The following RUFY3 variants were observed in gnomAD, a reference collection of about 807,000 sequenced individuals.
RUFY3 encodes RUN and FYVE domain containing 3.
Under a neutral mutation model 84.0 loss-of-function variants are expected in RUFY3, and 34 were observed. That is an observed-to-expected ratio of 0.40 (90% CI 0.31 to 0.54). The LOEUF (loss-of-function observed/expected upper bound fraction) is 0.54, where lower values mean the gene tolerates loss of function less well. Ranked by LOEUF, RUFY3 falls within the 20% of genes least tolerant of loss-of-function variation. The pLI, the probability that RUFY3 is intolerant of heterozygous loss-of-function variation, is 0.39. For synonymous variants in RUFY3, 242 were observed against 252.9 expected (o/e 0.96, Z 0.41); for missense variants, 507 against 736.8 (o/e 0.69, Z 3.61).
chr4:70,793,639 T>C, intron 12 of RUFY3, 146 bp from the exon 13 acceptor site: 1 of 1,506,048 alleles, frequency 6.6e-7, no homozygotes, highest in Non-Finnish European at 8.9e-7. Flanking sequence ...CCATAATTTC[T>C]TCACCTGTGT....
In RUFY3 at chr4:70,773,505, C is replaced by T; in HGVS notation, c.697-6C>T. On this transcript the variant is annotated splice_region_variant and splice_polypyrimidine_tract_variant and intron_variant, in intron 5 of 17. Transcript: ENST00000381006. The stretch of plus-strand genomic sequence containing the variant: ...TTATATTAAAACCTGAAAATTCTCT[C>T]TGTAGGTTGGAGTTATAGATTTTTC... 3 of 1,603,510 alleles carry T rather than the reference C, an allele frequency of 1.9e-6. No individual in the cohort carries two copies. The highest frequency in any genetic ancestry group is 2.6e-6 in the Non-Finnish European group (3 of 1,170,782).
intron 1 of RUFY3, among the ~76,000 whole-genome samples, chr4:70,744,233 CTG>C (rs1052253410): frequency 8.7e-4 from 133 of 152,120 alleles, no homozygotes; most frequent in African/African-American, 3.1e-3. Context: ...AGGTATCACT[CTG>C]TTGCCCAGGC....
chr4:70,750,141 A>T (rs550716905), intron 1 of RUFY3, among the ~76,000 whole-genome samples: 1 of 152,220 alleles, frequency 6.6e-6, no homozygotes, highest in African/African-American at 2.4e-5. Flanking sequence ...AGCCCCGAGT[A>T]GCTAGGGCTA....
intron 5 of RUFY3, among the ~76,000 whole-genome samples, chr4:70,769,166 G>T (rs1189505325): frequency 2.6e-5 from 4 of 152,088 alleles, no homozygotes; most frequent in Admixed American, 2.6e-4. Context: ...GGGCAACATA[G>T]TGAGACCCCG....
At chr4:70,770,133 T>G (rs1726711516) in intron 5 of RUFY3, among the ~76,000 whole-genome samples, 1 of 152,196 alleles carries the variant, frequency 6.6e-6, no homozygotes, top group Non-Finnish European at 1.5e-5. Flanking sequence ...ACTATTCCAT[T>G]TATAAAGCAT....
intron 1 of RUFY3, among the ~76,000 whole-genome samples, chr4:70,756,242 T>C (rs1179066226): frequency 6.6e-6 from 1 of 152,176 alleles, no homozygotes; most frequent in Non-Finnish European, 1.5e-5. Context: ...ACTGCTCTAG[T>C]TCTACCCTTT....
intron 1 of RUFY3, among the ~76,000 whole-genome samples, chr4:70,742,573 A>T (rs1261366386): frequency 6.6e-6 from 1 of 152,216 alleles, no homozygotes; most frequent in Non-Finnish European, 1.5e-5. Flanking sequence ...TTTGGCCCAC[A>T]TTCTTTTCTC....
intron 1 of RUFY3, among the ~76,000 whole-genome samples, chr4:70,737,180 T>C (rs987940368): frequency 2.0e-5 from 3 of 152,188 alleles, no homozygotes; most frequent in Non-Finnish European, 4.4e-5. Context: ...AAGATACAGT[T>C]GTGGTTTTCA....
chr4:70,721,510 A>T (rs1742297711), upstream of RUFY3, among the ~76,000 whole-genome samples: 1 of 152,128 alleles, frequency 6.6e-6, no homozygotes, highest in Non-Finnish European at 1.5e-5. Context: ...AAGATATTTA[A>T]ATTGAAAATC....
chr4:70,778,783 T>G (rs997600170), intron 8 of RUFY3, among the ~76,000 whole-genome samples: 11 of 152,108 alleles, frequency 7.2e-5, no homozygotes, highest in Non-Finnish European at 1.2e-4. Context: ...TTTCTCCATG[T>G]TAGTCAGGCT....
intron 7 of RUFY3, among the ~76,000 whole-genome samples, chr4:70,775,944 C>CAAAA (rs11369578): frequency 7.6e-6 from 1 of 132,292 alleles, no homozygotes; most frequent in African/African-American, 3.2e-5. Flanking sequence ...CTGTCTTAAA[C>CAAAA]AAAAAAAAAA....
intron 4 of RUFY3, among the ~76,000 whole-genome samples, chr4:70,767,641 A>G (rs1485785233): frequency 1.3e-5 from 2 of 152,072 alleles, no homozygotes; most frequent in East Asian, 3.9e-4. Context: ...TTAGTAATTT[A>G]GGTGCATTAT....
chr4:70,714,916 G>C (rs1741393473), intron 1 of RUFY3, among the ~76,000 whole-genome samples: 1 of 152,140 alleles, frequency 6.6e-6, no homozygotes, highest in East Asian at 1.9e-4. Context: ...TACTTTTCAG[G>C]GTAGAGGTTA....
At chr4:70,745,827 T>C (rs1271187475) in intron 1 of RUFY3, among the ~76,000 whole-genome samples, 1 of 152,232 alleles carries the variant, frequency 6.6e-6, no homozygotes. Flanking sequence ...GGTTCACTTC[T>C]ATAATCCCAG....
At chr4:70,724,972 C>T (rs899470271) in intron 1 of RUFY3, among the ~76,000 whole-genome samples, 2 of 152,234 alleles carry the variant, frequency 1.3e-5, no homozygotes, top group South Asian at 4.1e-4. Context: ...TGTCTGGACG[C>T]GGGAGTATTC....
chr4:70,790,721 G>A (rs958458115), intron 12 of RUFY3, among the ~76,000 whole-genome samples: 2 of 152,108 alleles, frequency 1.3e-5, no homozygotes, highest in Admixed American at 6.5e-5. Context: ...ATTAGTTAAC[G>A]AATCTTTTAA....
At chr4:70,724,589 C>A (rs1717912715) in intron 1 of RUFY3, among the ~76,000 whole-genome samples, 1 of 152,086 alleles carries the variant, frequency 6.6e-6, no homozygotes. Context: ...TGTATGTCTG[C>A]TGATTAAAGA....
At chr4:70,791,622 C>T (rs1274109663) in intron 12 of RUFY3, 11 of 1,093,882 alleles carry the variant, frequency 1.0e-5, no homozygotes, top group Non-Finnish European at 1.2e-5. Flanking sequence ...TGTACATATA[C>T]TAATGATGCC....
chr4:70,713,759 A>G (rs1459284663), intron 1 of RUFY3, among the ~76,000 whole-genome samples: 1 of 152,116 alleles, frequency 6.6e-6, no homozygotes, highest in Non-Finnish European at 1.5e-5. Context: ...CTTTTTTATG[A>G]ACTTAGGAAA....
Sources: allele counts gnomAD v4.1 joint callset (sites outside exome capture counted in the v4.1 genomes callset), GRCh38; gene constraint gnomAD v4.1.1; transcripts MANE v1.5; gene names NCBI Gene and HGNC (gene_info 2026-07-23, HGNC 2026-07-21).